ACAN: variants seen among roughly 807,000 people sequenced by gnomAD.
ACAN encodes aggrecan.
A neutral mutation model predicts 169.1 loss-of-function variants in ACAN; 47 were observed. That is an observed-to-expected ratio of 0.28 (90% CI 0.22 to 0.35). The LOEUF is 0.35. Ranked by LOEUF, ACAN falls within the 10% of genes least tolerant of loss-of-function variation. The probability of loss-of-function intolerance (pLI) is 1.00; values close to 1 mark genes in which losing one functional copy is unlikely to be tolerated. For missense variants in ACAN, 2,716 were observed against 2,759.9 expected, an observed-to-expected ratio of 0.98 and a Z score of 0.36; for synonymous variants, 1,115 against 1,112.2, an observed-to-expected ratio of 1.00 and a Z score of -0.05.
rs1052224749 is a variant in ACAN, at chr15:88,872,274, G to C, written c.7302+189G>C. Among the ~76,000 whole-genome samples, 4 of 152,206 alleles carry C rather than the reference G, an allele frequency of 2.6e-5. No individual in the cohort carries two copies. The highest frequency in any genetic ancestry group is 5.9e-5 in the Non-Finnish European group (4 of 68,030). On this transcript the variant is annotated intron_variant, in intron 16 of 18. Coordinates refer to ENST00000560601, the MANE Select transcript of ACAN (RefSeq NM_001369268.1). The surrounding 1 kb of genome is among the most constrained non-coding windows in gnomAD (Gnocchi z 5.4). The stretch of plus-strand genomic sequence containing the variant: ...CCCAGCCCGGGGCTGGACAGATTGA[G>C]CTAATGATGGCAAGAGGCAAGGAGC...
chr15:88,830,055 A>G (rs12916352), intron 1 of ACAN, among the ~76,000 whole-genome samples: 110,169 of 151,210 alleles, frequency 0.73, 41,437 homozygotes, highest in African/African-American at 0.93. Context: ...GATCTGGGAG[A>G]GGAGGGTGGG....
intron 6 of ACAN, among the ~76,000 whole-genome samples, chr15:88,844,665 G>A (rs1896751849): frequency 6.6e-6 from 1 of 152,156 alleles, no homozygotes; most frequent in Non-Finnish European, 1.5e-5. Context: ...GAGCCACCAC[G>A]CCCGGCCACA....
Position 88,849,426 on chromosome 15 carries a change from C to T in ACAN, c.1733-12C>T, listed in dbSNP as rs754339903. 6.4e-7 allele frequency: 1 copy of T among 1,568,546 alleles called. No homozygotes were observed. The highest frequency in any genetic ancestry group is 1.7e-5 in the Admixed American group (1 of 57,522). Reference sequence around the variant, plus strand: ...GGGGGGGTCATATTCTACCCCTTGCCTCTGCCCCCAGGGGAGGTGTTCTTC... The same window carrying T: ...GGGGGGGTCATATTCTACCCCTTGCTTCTGCCCCCAGGGGAGGTGTTCTTC... On this transcript the variant is annotated splice_polypyrimidine_tract_variant and intron_variant, in intron 9 of 18. Transcript: ENST00000560601. The surrounding 1 kb of genome is among the most constrained non-coding windows in gnomAD (Gnocchi z 5.1).
intron 1 of ACAN, among the ~76,000 whole-genome samples, chr15:88,806,956 C>T (rs1167483266): frequency 3.3e-5 from 5 of 152,008 alleles, no homozygotes; most frequent in Admixed American, 6.6e-5. Flanking sequence ...TTTTGAAGCC[C>T]TCTATAAGGG....
Position 88,858,117 on chromosome 15 carries a change from T to G in ACAN, c.5532T>G (p.Phe1844Leu), listed in dbSNP as rs764480078. The G allele has an allele frequency of 1.6e-5, 26 of 1,613,688 alleles. No homozygotes were observed. Among genetic ancestry groups the G allele is most frequent in the Non-Finnish European group, 2.2e-5 (26 of 1,179,878 alleles). Residue 1844 changes from phenylalanine (F) to leucine (L), a missense_variant, in exon 12 of 19, where the codon TTT (phenylalanine) becomes TTG (leucine). Physicochemically the swap from Phe to Leu is conservative, Grantham distance 22 (BLOSUM62 0). Coordinates refer to ENST00000560601, the MANE Select transcript of ACAN (RefSeq NM_001369268.1). This position sits in a 1 kb window ranked among gnomAD's most constrained non-coding sequence, Gnocchi z 4.0. ...TSLVEVAPTTFKEEEGLGSVE... is the reference protein window; with the variant it reads ...TSLVEVAPTTLKEEEGLGSVE... ...TGGTTGAAGTGGCCCCTACTACATT[T>G]AAAGAAGAAGAAGGCTTAGGGTCTG... is the stretch of plus-strand genomic sequence containing the variant.
At chr15:88,836,751 G>A (rs981881882) in intron 2 of ACAN, among the ~76,000 whole-genome samples, 3 of 152,218 alleles carry the variant, frequency 2.0e-5, no homozygotes, top group Non-Finnish European at 4.4e-5. Context: ...AACCATCCTC[G>A]GGAAGCCCCA....
Position 88,861,904 on chromosome 15 carries a change from A to G in ACAN, c.6946+1465A>G, listed in dbSNP as rs1477937966. On this transcript the variant is annotated intron_variant, in intron 13 of 18. Transcript: ENST00000560601. The surrounding 1 kb of genome is among the most constrained non-coding windows in gnomAD (Gnocchi z 6.3). ...AAGGACAGCCTCTCTGTGATCATGTATATTTCCACAGGGCTTTTGTTCCCA... is the reference window on the plus strand; with the variant it reads ...AAGGACAGCCTCTCTGTGATCATGTGTATTTCCACAGGGCTTTTGTTCCCA... 2.6e-5 allele frequency among the ~76,000 whole-genome samples: 4 copies of G among 152,214 alleles called. No homozygotes were observed. Among genetic ancestry groups the G allele is most frequent in the African/African-American group, 9.7e-5 (4 of 41,434 alleles).
At chr15:88,817,505 A>C (rs987710486) in intron 1 of ACAN, among the ~76,000 whole-genome samples, 1 of 151,988 alleles carries the variant, frequency 6.6e-6, no homozygotes, top group African/African-American at 2.4e-5. Flanking sequence ...ATTTCCTTTA[A>C]AAATAATAAA....
rs1260465958 is a variant in ACAN at position 88,843,124 on chromosome 15, C to A, written c.758-231C>A. Among the ~76,000 whole-genome samples the A allele has an allele frequency of 6.6e-6, 1 of 152,222 alleles. No homozygotes were observed. The highest frequency in any genetic ancestry group is 2.4e-5 in the African/African-American group (1 of 41,452). On this transcript the variant is annotated intron_variant, in intron 5 of 18. Coordinates refer to ENST00000560601, the MANE Select transcript of ACAN (RefSeq NM_001369268.1). This position sits in a 1 kb window ranked among gnomAD's most constrained non-coding sequence, Gnocchi z 4.0. The stretch of plus-strand genomic sequence containing the variant: ...CACCCTTTGCCCAATCTCCCTGCCA[C>A]TTTTGCTGCTTCTTTCTTGGTCCCC...
intron 7 of ACAN, 79 bp from the exon 8 acceptor site, chr15:88,847,164 C>T (rs1325099838): frequency 2.2e-6 from 3 of 1,381,782 alleles, no homozygotes; most frequent in Admixed American, 4.9e-5. Context: ...CAGGAGTTGG[C>T]CCCCCTCTGT....
Position 88,838,765 on chromosome 15 carries a change from A to G in ACAN, c.173A>G (p.His58Arg). ...TIPCYFIDPM[H>R]PVTTAPSTAP... ...CCCTGCTATTTCATCGACCCCATGCACCCTGTGACCACCGCCCCTTCTACC... is the reference window on the plus strand; with the variant it reads ...CCCTGCTATTTCATCGACCCCATGCGCCCTGTGACCACCGCCCCTTCTACC... Residue 58 changes from histidine (H) to arginine (R), a missense_variant, in exon 3 of 19, where the codon CAC becomes CGC. Physicochemically the swap from His to Arg is conservative, Grantham distance 29. Transcript: ENST00000560601. This position sits in a 1 kb window ranked among gnomAD's most constrained non-coding sequence, Gnocchi z 5.1. 1 of 1,613,776 alleles carries G rather than the reference A, an allele frequency of 6.2e-7. No homozygotes were observed. The highest frequency in any genetic ancestry group is 8.5e-7 in the Non-Finnish European group (1 of 1,179,806).
intron 1 of ACAN, among the ~76,000 whole-genome samples, chr15:88,830,924 A>C (rs1260817049): frequency 6.6e-6 from 1 of 152,192 alleles, no homozygotes; most frequent in Non-Finnish European, 1.5e-5. Flanking sequence ...TGTCAGCCCC[A>C]TTAGAATCTT....
intron 7 of ACAN, 124 bp from the exon 8 acceptor site, chr15:88,847,119 C>T (rs1896809256): frequency 9.2e-7 from 1 of 1,092,678 alleles, no homozygotes; most frequent in Non-Finnish European, 1.3e-6. Context: ...GGATTTCAGC[C>T]TGCATTGCCC....
chr15:88,806,073 G>A (rs142542754), intron 1 of ACAN, among the ~76,000 whole-genome samples: 122 of 152,318 alleles, frequency 8.0e-4, no homozygotes, highest in African/African-American at 2.7e-3. Flanking sequence ...TCAGCCACTC[G>A]CTGGCTACAT....
chr15:88,854,819 C>A (rs751062275), intron 11 of ACAN, 33 bp from the exon 12 acceptor site: 2 of 1,416,574 alleles, frequency 1.4e-6, no homozygotes, highest in South Asian at 1.9e-5. Context: ...GTTAATAAAC[C>A]CACACTTCAT....
chr15:88,849,375 G>C lies in ACAN; in HGVS notation c.1733-63G>C. On this transcript the variant is annotated intron_variant, in intron 9 of 18. Transcript: ENST00000560601. The surrounding 1 kb of genome is among the most constrained non-coding windows in gnomAD (Gnocchi z 5.1). ...GGTTAGAGGAACTCTGTCCTGGGTG[G>C]GCAGGGATGGACCTGGCCTGAGTGT... The C allele has an allele frequency of 6.9e-7, 1 of 1,447,590 alleles. No individual in the cohort carries two copies. Among genetic ancestry groups the C allele is most frequent in the South Asian group, 1.4e-5 (1 of 71,216 alleles). The allele number at this position is 1,447,590 out of a possible 1,614,324, so 89.7% of individuals were successfully genotyped here.
chr15:88,853,352 G>A (rs28547091), intron 11 of ACAN, among the ~76,000 whole-genome samples: 7,598 of 152,264 alleles, frequency 0.05, 286 homozygotes, highest in African/African-American at 0.11. Context: ...AAAAAGAAAT[G>A]TAGGGCTGAG....
Position 88,859,062 on chromosome 15 carries a change from C to A in ACAN, c.6477C>A (p.Gly2159=), listed in dbSNP as rs369871844. 6.2e-7 allele frequency: 1 copy of A among 1,613,918 alleles called. No homozygotes were observed. The highest frequency in any genetic ancestry group is 8.5e-7 in the Non-Finnish European group (1 of 1,179,884). Residue 2159 remains glycine (G), a synonymous_variant, in exon 12 of 19, where the codon GGC becomes GGA. Coordinates refer to ENST00000560601, the MANE Select transcript of ACAN (RefSeq NM_001369268.1). ...VSGSTLTFQE[G]EASAAPEVSG... ...GCAGCACTTTGACATTTCAAGAAGG[C>A]GAGGCGTCCGCTGCCCCAGAAGTGA...
rs960082266 is a variant in ACAN, at chr15:88,866,077, G to A, written c.6947-2139G>A. 2.6e-5 allele frequency among the ~76,000 whole-genome samples: 4 copies of A among 152,084 alleles called. No individual in the cohort carries two copies. The highest frequency in any genetic ancestry group is 2.0e-4 in the Admixed American group (3 of 15,268). ...GCAGCCTTCTCAGATTTTGTGCCCTGGTCAAACACAGAAAGAAAGCAACGC... is the reference window on the plus strand; with the variant it reads ...GCAGCCTTCTCAGATTTTGTGCCCTAGTCAAACACAGAAAGAAAGCAACGC... On this transcript the variant is annotated intron_variant, in intron 13 of 18. Transcript: ENST00000560601. This position sits in a 1 kb window ranked among gnomAD's most constrained non-coding sequence, Gnocchi z 5.6.
Sources: allele counts gnomAD v4.1 joint callset (sites outside exome capture counted in the v4.1 genomes callset), GRCh38; gene constraint gnomAD v4.1.1; non-coding constraint Gnocchi (gnomAD v3.1); transcripts MANE v1.5; gene names NCBI Gene and HGNC (gene_info 2026-07-23, HGNC 2026-07-21).